CHCHD6: variants seen among roughly 807,000 people sequenced by gnomAD.
CHCHD6 encodes MICOS complex subunit MIC25.
CHCHD6 carries 28 observed loss-of-function variants against 32.3 expected under a neutral mutation model. That is an observed-to-expected ratio of 0.87 (90% CI 0.64 to 1.19). The LOEUF (loss-of-function observed/expected upper bound fraction) is 1.19. Ranked by LOEUF, CHCHD6 falls within the 50% of genes most tolerant of loss-of-function variation. The probability of loss-of-function intolerance (pLI) is 0.00; values close to 1 mark genes in which losing one functional copy is unlikely to be tolerated. For missense variants in CHCHD6, 333 were observed against 307.0 expected, an observed-to-expected ratio of 1.08 and a Z score of -0.63; for synonymous variants, 122 against 117.5, an observed-to-expected ratio of 1.04 and a Z score of -0.25.
At chr3:126,956,956 G>GGC (rs2078793875) in intron 6 of CHCHD6, 1 of 173,248 alleles carries the variant, frequency 5.8e-6, no homozygotes, top group African/African-American at 2.4e-5. Flanking sequence ...GTAAACCACA[G>GGC]GCACAGGAAA....
intron 4 of CHCHD6, among the ~76,000 whole-genome samples, chr3:126,739,810 G>A (rs796598694): frequency 7.9e-5 from 12 of 151,978 alleles, no homozygotes; most frequent in Non-Finnish European, 4.4e-5. Flanking sequence ...ACATAGTCTC[G>A]ATTTGACAGT....
At chr3:126,752,192 G>C (rs1157239082) in intron 4 of CHCHD6, among the ~76,000 whole-genome samples, 2 of 152,188 alleles carry the variant, frequency 1.3e-5, no homozygotes, top group African/African-American at 4.8e-5. Context: ...AAGAAGGCCA[G>C]GCTCTGAGAA....
In CHCHD6 at chr3:126,733,218, G is replaced by A. The variant is rs370004672; in HGVS notation, c.407G>A (p.Arg136Gln). The A allele has an allele frequency of 1.4e-5, 23 of 1,613,394 alleles. No individual in the cohort carries two copies. Among genetic ancestry groups the A allele is most frequent in the African/African-American group, 1.2e-4 (9 of 75,032 alleles). The change falls in exon 4 of 8, where the codon CGG (arginine) becomes CAG (glutamine). Residue 136 changes from arginine (R) to glutamine (Q), a missense_variant. Coordinates refer to ENST00000290913, the MANE Select transcript of CHCHD6 (RefSeq NM_032343.3). ...AGCCATGAGGAGCAGAAGTCAGTCC[G>A]GCTGGTGAGTGCAGATTTTCCCTGA... ...SISHEEQKSV[R>Q]LARELESREA...
intron 6 of CHCHD6, among the ~76,000 whole-genome samples, chr3:126,924,721 C>G (rs2078298667): frequency 1.3e-5 from 2 of 152,210 alleles, no homozygotes; most frequent in Admixed American, 1.3e-4. Flanking sequence ...TGTCCTTTAA[C>G]TGGGGACCTG....
rs148739097 is a variant in CHCHD6 at position 126,858,690 on chromosome 3, C to T, written c.495+5960C>T. ...CTTATGGAGAGACACAGCCAGAATG[C>T]GGCAGGCCCACTGTTAGCCCACATC... is the stretch of plus-strand genomic sequence containing the variant. On this transcript the variant is annotated intron_variant, in intron 5 of 7. Transcript: ENST00000290913. Among the ~76,000 whole-genome samples, 467 of 152,328 alleles carry T rather than the reference C, an allele frequency of 3.1e-3. 3 individuals carry two copies. Among genetic ancestry groups the T allele is most frequent in the African/African-American group, 0.011 (450 of 41,580 alleles).
chr3:126,895,744 C>A (rs1559909094), intron 5 of CHCHD6, among the ~76,000 whole-genome samples: 1 of 152,208 alleles, frequency 6.6e-6, no homozygotes, highest in Non-Finnish European at 1.5e-5. Context: ...TATTTGCTGA[C>A]CCCATCCCCC....
chr3:126,957,233 C>T (rs1472568204), intron 6 of CHCHD6, 183 bp from the exon 7 acceptor site: 10 of 679,874 alleles, frequency 1.5e-5, no homozygotes, highest in East Asian at 5.5e-5. Flanking sequence ...CTTGACCCTG[C>T]GACCGTCCTC....
At chr3:126,757,318 A>G (rs1576378682) in intron 4 of CHCHD6, among the ~76,000 whole-genome samples, 2 of 152,178 alleles carry the variant, frequency 1.3e-5, no homozygotes, top group Non-Finnish European at 2.9e-5. Context: ...AGGGAAACTG[A>G]CCCTGTACTT....
At chr3:126,766,004 T>G (rs1427417507) in intron 4 of CHCHD6, among the ~76,000 whole-genome samples, 1 of 152,202 alleles carries the variant, frequency 6.6e-6, no homozygotes, top group African/African-American at 2.4e-5. Context: ...TGGCTGCTGC[T>G]GGTTCCTGTA....
At chr3:126,766,777 A>G (rs1937385869) in intron 4 of CHCHD6, 5 of 1,119,430 alleles carry the variant, frequency 4.5e-6, no homozygotes, top group Middle Eastern at 2.7e-4. Context: ...GGCCCCCTGG[A>G]AAAACAGACC....
At chr3:126,858,945 T>C (rs556217170) in intron 5 of CHCHD6, among the ~76,000 whole-genome samples, 3 of 152,350 alleles carry the variant, frequency 2.0e-5, no homozygotes, top group Admixed American at 6.5e-5. Context: ...CTCCGTTGTC[T>C]GTCCCCCGCT....
At chr3:126,878,316 G>C (rs779558622) in intron 5 of CHCHD6, among the ~76,000 whole-genome samples, 1 of 152,254 alleles carries the variant, frequency 6.6e-6, no homozygotes, top group Non-Finnish European at 1.5e-5. Flanking sequence ...AAAGAAACCA[G>C]TGTTTCCTGA....
chr3:126,807,933 A>G (rs1939484144), intron 4 of CHCHD6, among the ~76,000 whole-genome samples: 1 of 152,166 alleles, frequency 6.6e-6, no homozygotes, highest in African/African-American at 2.4e-5. Context: ...TATGTAAGTG[A>G]GTGGTTATGA....
intron 4 of CHCHD6, among the ~76,000 whole-genome samples, chr3:126,742,068 T>C (rs779188263): frequency 6.6e-6 from 1 of 152,208 alleles, no homozygotes; most frequent in Non-Finnish European, 1.5e-5. Flanking sequence ...TACCACTCCC[T>C]TGGTGAGGGA....
chr3:126,821,498 G>T (rs1181676296), intron 4 of CHCHD6, among the ~76,000 whole-genome samples: 1 of 152,088 alleles, frequency 6.6e-6, no homozygotes, highest in Non-Finnish European at 1.5e-5. Flanking sequence ...ATTTCACTAT[G>T]TTGGCCAGGC....
intron 4 of CHCHD6, among the ~76,000 whole-genome samples, chr3:126,737,288 C>T (rs938860302): frequency 6.6e-6 from 1 of 151,860 alleles, no homozygotes; most frequent in Admixed American, 6.6e-5. Flanking sequence ...CATTGCACTC[C>T]AGCCTGGGCG....
intron 5 of CHCHD6, among the ~76,000 whole-genome samples, chr3:126,904,772 G>C (rs2077981551): frequency 6.6e-6 from 1 of 152,186 alleles, no homozygotes; most frequent in African/African-American, 2.4e-5. Context: ...ATACTTCTGG[G>C]AAGGTCTCAC....
chr3:126,760,776 A>T (rs1009921616), intron 4 of CHCHD6, among the ~76,000 whole-genome samples: 2 of 152,162 alleles, frequency 1.3e-5, no homozygotes, highest in Non-Finnish European at 2.9e-5. Context: ...GGCTATTGTG[A>T]GTAATGCTGC....
At chr3:126,891,043 G>A (rs1268282107) in intron 5 of CHCHD6, among the ~76,000 whole-genome samples, 4 of 152,198 alleles carry the variant, frequency 2.6e-5, no homozygotes, top group Non-Finnish European at 5.9e-5. Flanking sequence ...TAGCTACTGT[G>A]TACCAGGCAC....
Sources: allele counts gnomAD v4.1 joint callset (sites outside exome capture counted in the v4.1 genomes callset), GRCh38; gene constraint gnomAD v4.1.1; transcripts MANE v1.5; gene names NCBI Gene and HGNC (gene_info 2026-07-23, HGNC 2026-07-21).